KLHL14: variants seen among roughly 807,000 people sequenced by gnomAD.
The protein encoded by KLHL14 is kelch-like protein 14.
Under a neutral mutation model 64.3 loss-of-function variants are expected in KLHL14, and 22 were observed. That is an observed-to-expected ratio of 0.34 (90% CI 0.24 to 0.49). The LOEUF is 0.49. Ranked by LOEUF, KLHL14 falls within the 20% of genes least tolerant of loss-of-function variation. The pLI, the probability that KLHL14 is intolerant of heterozygous loss-of-function variation, is 0.99. For synonymous variants in KLHL14, 322 were observed against 333.4 expected, an observed-to-expected ratio of 0.97 and a Z score of 0.37; for missense variants, 661 against 789.0, an observed-to-expected ratio of 0.84 and a Z score of 1.94.
intron 3 of KLHL14, among the ~76,000 whole-genome samples, chr18:32,723,441 G>A (rs1008377530): frequency 2.6e-5 from 4 of 152,104 alleles, no homozygotes; most frequent in Admixed American, 1.3e-4. Context: ...GAAGACTGAG[G>A]GAGGTAGGAG....
At chr18:32,735,082 G>T (rs182286902) in intron 3 of KLHL14, among the ~76,000 whole-genome samples, 1 of 152,306 alleles carries the variant, frequency 6.6e-6, no homozygotes, top group Admixed American at 6.5e-5. Flanking sequence ...CTAAGAGTAG[G>T]TTATTATTTC....
chr18:32,746,250 T>C (rs2144534753), intron 2 of KLHL14, among the ~76,000 whole-genome samples: 1 of 152,378 alleles, frequency 6.6e-6, no homozygotes, highest in East Asian at 1.9e-4. Flanking sequence ...AATATTTGAA[T>C]GTCTTTGATC....
At chr18:32,686,280 C>T (rs1347887417) in intron 5 of KLHL14, among the ~76,000 whole-genome samples, 1 of 150,866 alleles carries the variant, frequency 6.6e-6, no homozygotes, top group African/African-American at 2.4e-5. Context: ...CCACCCACCT[C>T]GGCCTCCCAA....
chr18:32,693,375 C>T (rs927780939), intron 4 of KLHL14, among the ~76,000 whole-genome samples: 1 of 127,778 alleles, frequency 7.8e-6, no homozygotes, highest in Non-Finnish European at 1.6e-5. Context: ...AAAAAGGGAT[C>T]TTACACACAC....
chr18:32,735,149 T>C (rs141942739), intron 3 of KLHL14, among the ~76,000 whole-genome samples: 14 of 152,306 alleles, frequency 9.2e-5, no homozygotes, highest in Non-Finnish European at 1.8e-4. Flanking sequence ...GTACATTGGA[T>C]CCGTTTAGAT....
rs1028077758 is a variant in KLHL14 at position 32,693,010 on chromosome 18, C to T, written c.1159+2453G>A. Among the ~76,000 whole-genome samples the T allele has an allele frequency of 5.3e-5, 8 of 152,154 alleles. No individual in the cohort carries two copies. In the East Asian group the frequency reaches 5.8e-4, roughly 11 times the overall value. ...ATGGATGGAGTATAGAAACCATTCA[C>T]GGGATTGTGGTGGGTGCTCTTGTTC... On this transcript the variant is annotated intron_variant, in intron 4 of 8. Transcript: ENST00000359358.
At chr18:32,732,007 G>A (rs547019638) in intron 3 of KLHL14, among the ~76,000 whole-genome samples, 1 of 152,088 alleles carries the variant, frequency 6.6e-6, no homozygotes, top group African/African-American at 2.4e-5. Context: ...GATCACCTGA[G>A]GTCAGGAGTT....
intron 7 of KLHL14, among the ~76,000 whole-genome samples, chr18:32,679,724 A>G (rs907998461): frequency 6.6e-6 from 1 of 152,168 alleles, no homozygotes; most frequent in African/African-American, 2.4e-5. Flanking sequence ...AGACACAAAT[A>G]TCTGGTAAAT....
chr18:32,753,548 C>T (rs2050267392), intron 2 of KLHL14, among the ~76,000 whole-genome samples: 1 of 152,214 alleles, frequency 6.6e-6, no homozygotes, highest in African/African-American at 2.4e-5. Context: ...AACTTGCAGA[C>T]TGGCTGGTGA....
chr18:32,734,102 G>A, intron 3 of KLHL14: 2 of 701,096 alleles, frequency 2.9e-6, no homozygotes, highest in Non-Finnish European at 2.6e-6. Context: ...GAGCACAGCA[G>A]AAGAATACAC....
chr18:32,760,664 C>A (rs543483042), intron 2 of KLHL14, among the ~76,000 whole-genome samples: 1 of 152,116 alleles, frequency 6.6e-6, no homozygotes, highest in Non-Finnish European at 1.5e-5. Context: ...CCCTCACAGG[C>A]GCTCTGGGAG....
At chr18:32,738,852 G>A (rs778860729) in intron 3 of KLHL14, among the ~76,000 whole-genome samples, 9 of 151,994 alleles carry the variant, frequency 5.9e-5, no homozygotes, top group African/African-American at 9.7e-5. Flanking sequence ...CCCTTACATC[G>A]TATTTCTGAA....
At chr18:32,690,844 T>C (rs1331020598) in intron 4 of KLHL14, among the ~76,000 whole-genome samples, 1 of 152,146 alleles carries the variant, frequency 6.6e-6, no homozygotes, top group Non-Finnish European at 1.5e-5. Context: ...GATCATGAGT[T>C]ATAGGAATCA....
At chr18:32,735,526 T>A (rs1398130605) in intron 3 of KLHL14, among the ~76,000 whole-genome samples, 1 of 152,168 alleles carries the variant, frequency 6.6e-6, no homozygotes, top group Non-Finnish European at 1.5e-5. Context: ...TTGCCTTTAC[T>A]GTTAACTAAC....
Position 32,769,905 on chromosome 18 carries a change from C to T in KLHL14, c.687G>A (p.Pro229=). 1 of 1,614,066 alleles carries T rather than the reference C, an allele frequency of 6.2e-7. No homozygotes were observed. Among genetic ancestry groups the T allele is most frequent in the Admixed American group, 1.7e-5 (1 of 60,034 alleles). The change falls in exon 2 of 9, where the codon CCG becomes CCA. Residue 229 remains proline, a synonymous_variant. Transcript: ENST00000359358. Reference sequence around the variant, plus strand: ...GCGCCAGCTCCGACTCCACGGGGGGCGGCAGCGAGTCCAGCAGGGCGCGCA... The same window carrying T: ...GCGCCAGCTCCGACTCCACGGGGGGTGGCAGCGAGTCCAGCAGGGCGCGCA... ...EEMRALLDSL[P]PPVESELALF... is the part of the protein sequence containing the mutation.
chr18:32,725,778 A>C (rs2050104961), intron 3 of KLHL14, among the ~76,000 whole-genome samples: 1 of 152,238 alleles, frequency 6.6e-6, no homozygotes, highest in Non-Finnish European at 1.5e-5. Flanking sequence ...ATATCCCCTG[A>C]GAGTCAGTAC....
At chr18:32,711,220 T>C (rs949308369) in intron 3 of KLHL14, among the ~76,000 whole-genome samples, 8 of 152,032 alleles carry the variant, frequency 5.3e-5, no homozygotes, top group African/African-American at 1.9e-4. Flanking sequence ...CAGCTACATG[T>C]AAAAGCTAAG....
intron 3 of KLHL14, among the ~76,000 whole-genome samples, chr18:32,706,242 G>T (rs1187034606): frequency 6.6e-6 from 1 of 152,132 alleles, no homozygotes; most frequent in Non-Finnish European, 1.5e-5. Flanking sequence ...TGAGTCAACA[G>T]CTTGTCACAC....
chr18:32,756,564 T>C (rs1299436440), intron 2 of KLHL14, among the ~76,000 whole-genome samples: 3 of 152,224 alleles, frequency 2.0e-5, no homozygotes, highest in East Asian at 3.8e-4. Context: ...AGGGGCTCTT[T>C]CCTGCACAAG....
Sources: gnomAD v4.1 joint callset for allele counts (sites outside exome capture counted in the v4.1 genomes callset) on GRCh38, gnomAD v4.1.1 for gene constraint, MANE v1.5 for transcripts, NCBI Gene and HGNC (gene_info 2026-07-23, HGNC 2026-07-21) for gene names.